The following FRMD4A variants were observed in gnomAD, a reference collection of about 807,000 sequenced individuals.
The protein encoded by FRMD4A is FERM domain-containing protein 4A.
In FRMD4A, 29 loss-of-function variants were observed where a neutral mutation model predicts 129.1. The observed-to-expected ratio is 0.22, with a 90% confidence interval of 0.17 to 0.31. FRMD4A has a LOEUF of 0.31. FRMD4A is among the 10% of genes least tolerant of loss of function. The pLI is 1.00. For missense variants in FRMD4A, 1,272 were observed against 1,375.8 expected, an observed-to-expected ratio of 0.92 and a Z score of 1.19; for synonymous variants, 634 against 571.6, an observed-to-expected ratio of 1.11 and a Z score of -1.56.
At chr10:13,736,874 AT>A (rs1445970313) in intron 12 of FRMD4A, among the ~76,000 whole-genome samples, 1 of 152,180 alleles carries the variant, frequency 6.6e-6, no homozygotes, top group Non-Finnish European at 1.5e-5. Context: ...TAATTTTTCA[AT>A]TTGTTCTGGT....
intron 14 of FRMD4A, among the ~76,000 whole-genome samples, chr10:13,697,625 C>A (rs923355684): frequency 6.6e-6 from 1 of 151,664 alleles, no homozygotes; most frequent in Non-Finnish European, 1.5e-5. Context: ...GGCTGATACA[C>A]GTGACTCAGT....
intron 2 of FRMD4A, among the ~76,000 whole-genome samples, chr10:14,056,912 T>C (rs1318061821): frequency 6.6e-6 from 1 of 152,236 alleles, no homozygotes; most frequent in African/African-American, 2.4e-5. Context: ...GGAAAAATTC[T>C]TGTTCCTGGC....
In FRMD4A at chr10:13,673,768, G is replaced by C. The variant is rs1031662655; in HGVS notation, c.1251+1143C>G. Among the ~76,000 whole-genome samples, 11 of 133,442 alleles carry C rather than the reference G, an allele frequency of 8.2e-5. No individual in the cohort carries two copies. In the South Asian group the frequency reaches 9.4e-4, roughly 11 times the overall value. The allele number at this position is 133,442 out of a possible 152,430, so 87.5% of individuals were successfully genotyped here. A position where few individuals can be genotyped will look rare whatever the true frequency, so the allele number is the denominator to read the frequency against. On this transcript the variant is annotated intron_variant, in intron 16 of 24. Transcript: ENST00000357447. The stretch of plus-strand genomic sequence containing the variant: ...ACATACATAGGGTCGAGAAAGCATT[G>C]CTTTTTTTTTTTTTTTTTTTTTTTT...
At chr10:14,159,515 AG>A (rs1188793471) in intron 2 of FRMD4A, among the ~76,000 whole-genome samples, 5 of 152,208 alleles carry the variant, frequency 3.3e-5, no homozygotes, top group African/African-American at 1.2e-4. Flanking sequence ...CTTATGGATC[AG>A]AAGAACTAAT....
At chr10:14,227,757 G>A (rs10906631) in intron 2 of FRMD4A, among the ~76,000 whole-genome samples, 57,715 of 152,004 alleles carry the variant, frequency 0.38, 11,618 homozygotes, top group South Asian at 0.46. Flanking sequence ...TCACACAGTC[G>A]CATCTCTAGA....
In FRMD4A at chr10:13,891,656, G is replaced by A. The variant is rs1053491954; in HGVS notation, c.46-32744C>T. On this transcript the variant is annotated intron_variant, in intron 2 of 24. Coordinates refer to ENST00000357447, the MANE Select transcript of FRMD4A (RefSeq NM_018027.5). ...TTTTTGCGCTTCCAAGGGATCCGAGGAACTTCTGGCTGCAAGCGGCTGGTA... is the reference window on the plus strand; with the variant it reads ...TTTTTGCGCTTCCAAGGGATCCGAGAAACTTCTGGCTGCAAGCGGCTGGTA... 4.9e-5 allele frequency: 48 copies of A among 985,152 alleles called. 1 individual carries two copies. The highest frequency in any genetic ancestry group is 1.0e-3 in the Middle Eastern group (2 of 1,936). The allele number at this position is 985,152 out of a possible 1,614,324, so 61.0% of individuals were successfully genotyped here.
chr10:14,302,406 G>C (rs1315110635), intron 2 of FRMD4A, among the ~76,000 whole-genome samples: 5 of 152,142 alleles, frequency 3.3e-5, no homozygotes, highest in Admixed American at 2.0e-4. Context: ...TGTATTAAAG[G>C]AACTTTGTTC....
intron 15 of FRMD4A, among the ~76,000 whole-genome samples, chr10:13,678,980 T>C (rs552800456): frequency 1.3e-5 from 2 of 152,206 alleles, no homozygotes; most frequent in African/African-American, 4.8e-5. Context: ...CATCCTACAG[T>C]GCTATAGGAC....
At chr10:14,206,186 C>A in intron 2 of FRMD4A, among the ~76,000 whole-genome samples, 1 of 152,130 alleles carries the variant, frequency 6.6e-6, no homozygotes, top group East Asian at 1.9e-4. Flanking sequence ...ATCTAAGAGA[C>A]GCCACATAAC....
chr10:14,051,091 CA>C (rs1352741476), intron 2 of FRMD4A, among the ~76,000 whole-genome samples: 1 of 152,206 alleles, frequency 6.6e-6, no homozygotes, highest in African/African-American at 2.4e-5. Flanking sequence ...ATTGCAAAGG[CA>C]TTGTTGGACA....
intron 2 of FRMD4A, among the ~76,000 whole-genome samples, chr10:13,902,197 AT>A (rs2094827612): frequency 6.6e-6 from 1 of 151,846 alleles, no homozygotes; most frequent in Admixed American, 6.6e-5. Context: ...TTATTTTTAA[AT>A]TTTTTTGTAA....
intron 2 of FRMD4A, among the ~76,000 whole-genome samples, chr10:14,223,146 C>G (rs1843317990): frequency 6.6e-6 from 1 of 152,160 alleles, no homozygotes; most frequent in South Asian, 2.1e-4. Flanking sequence ...AGCCACTGGC[C>G]TAGTGATTCT....
At chr10:13,657,793 T>G (rs2082300630) in intron 21 of FRMD4A, among the ~76,000 whole-genome samples, 1 of 151,050 alleles carries the variant, frequency 6.6e-6, no homozygotes, top group South Asian at 2.1e-4. Flanking sequence ...TCTGGGTTTT[T>G]TTTTTTTTTT....
chr10:14,300,791 G>T (rs928394056), intron 2 of FRMD4A, among the ~76,000 whole-genome samples: 2 of 152,180 alleles, frequency 1.3e-5, no homozygotes, highest in Non-Finnish European at 2.9e-5. Flanking sequence ...ATGTTAGGTC[G>T]GAGGGGAGGT....
intron 2 of FRMD4A, among the ~76,000 whole-genome samples, chr10:14,242,395 G>T (rs557707609): frequency 3.1e-4 from 47 of 152,258 alleles, no homozygotes; most frequent in African/African-American, 1.1e-3. Flanking sequence ...CTAAGGGACT[G>T]CATTATTATA....
chr10:13,919,722 G>A (rs1262358975), intron 2 of FRMD4A, among the ~76,000 whole-genome samples: 1 of 152,150 alleles, frequency 6.6e-6, no homozygotes, highest in Non-Finnish European at 1.5e-5. Context: ...CGGATCACTT[G>A]AGGTTAGGAG....
chr10:14,051,222 C>A (rs553376359), intron 2 of FRMD4A, among the ~76,000 whole-genome samples: 6 of 152,302 alleles, frequency 3.9e-5, no homozygotes, highest in Admixed American at 2.6e-4. Flanking sequence ...ATCTTTTCCA[C>A]CTTGGGGCAG....
In FRMD4A at chr10:13,888,336, C is replaced by T. The variant is rs571804643; in HGVS notation, c.46-29424G>A. Among the ~76,000 whole-genome samples the T allele has an allele frequency of 1.8e-3, 281 of 152,324 alleles. 1 individual carries two copies. The highest frequency in any genetic ancestry group is 6.1e-3 in the African/African-American group (255 of 41,574). ...ATTGATGCAATGATCCCTTTTCTTC[C>T]TTTTCTTACATCAATGCCTAACTTT... is the stretch of plus-strand genomic sequence containing the variant. On this transcript the variant is annotated intron_variant, in intron 2 of 24. Coordinates refer to ENST00000357447, the MANE Select transcript of FRMD4A (RefSeq NM_018027.5).
At chr10:14,225,473 G>T (rs982419866) in intron 2 of FRMD4A, among the ~76,000 whole-genome samples, 1 of 152,206 alleles carries the variant, frequency 6.6e-6, no homozygotes, top group African/African-American at 2.4e-5. Context: ...CATGAAGTGG[G>T]TCATCTATGG....
Sources: gnomAD v4.1 joint callset for allele counts (sites outside exome capture counted in the v4.1 genomes callset) on GRCh38, gnomAD v4.1.1 for gene constraint, MANE v1.5 for transcripts, NCBI Gene and HGNC (gene_info 2026-07-23, HGNC 2026-07-21) for gene names.